Variants in LIAT1 observed in about 807,000 individuals in gnomAD.
LIAT1 encodes protein LIAT1.
the LIAT1 span, chr17:414,225 G>A: frequency 7.4e-7 from 1 of 1,358,762 alleles, no homozygotes; most frequent in Non-Finnish European, 1.0e-6. This position sits in a 1 kb window ranked among gnomAD's most constrained non-coding sequence, Gnocchi z 4.1. Flanking sequence ...GGAAACAGAT[G>A]TTCGGTACAC....
the LIAT1 span, chr17:410,385 C>T: frequency 3.0e-5 from 46 of 1,523,606 alleles, no homozygotes; most frequent in East Asian, 9.6e-4. Context: ...CGCTGAGAGT[C>T]GCCGATTAGT....
At chr17:410,896 C>T in the LIAT1 span, among the ~76,000 whole-genome samples, 1 of 152,108 alleles carries the variant, frequency 6.6e-6, no homozygotes, top group Non-Finnish European at 1.5e-5. Context: ...TTCCTAAGAG[C>T]CTTCCAGCCC....
the LIAT1 span, among the ~76,000 whole-genome samples, chr17:412,408 C>T: frequency 6.6e-6 from 1 of 152,064 alleles, no homozygotes; most frequent in Non-Finnish European, 1.5e-5. Flanking sequence ...GTGCCTCATA[C>T]CATCAGCAGG....
chr17:414,395 T>G, the LIAT1 span: 8 of 408,518 alleles, frequency 2.0e-5, 1 homozygote, highest in South Asian at 2.4e-4. This position sits in a 1 kb window ranked among gnomAD's most constrained non-coding sequence, Gnocchi z 4.1. Flanking sequence ...CAGCTAGATG[T>G]CTATAATCTG....
chr17:410,590 G>A, the LIAT1 span: 2 of 1,546,010 alleles, frequency 1.3e-6, no homozygotes, highest in Non-Finnish European at 8.7e-7. Context: ...CTGGCCAAAC[G>A]GAAGGTGAAG....
the LIAT1 span, chr17:410,343 A>T: frequency 1.4e-6 from 2 of 1,472,882 alleles, no homozygotes; most frequent in South Asian, 1.4e-5. Context: ...GGTGGTCGCC[A>T]TGGAGACGCG....
the LIAT1 span, chr17:413,644 C>T: frequency 2.1e-4 from 322 of 1,548,912 alleles, 41 homozygotes; most frequent in Admixed American, 5.9e-4. Context: ...GCTTCCACCC[C>T]GACCCTGAGG....
the LIAT1 span, chr17:413,813 GGC>G: frequency 6.5e-7 from 1 of 1,539,350 alleles, no homozygotes; most frequent in South Asian, 1.2e-5. Flanking sequence ...GGCCCTCAAG[GGC>G]TTCCACCCCG....
chr17:410,472 G>A, the LIAT1 span: 3 of 1,542,516 alleles, frequency 1.9e-6, no homozygotes, highest in Non-Finnish European at 2.6e-6. Flanking sequence ...CGGTGGGGCG[G>A]GGACAATGGG....
At chr17:413,573 G>A in the LIAT1 span, 2 of 1,521,394 alleles carry the variant, frequency 1.3e-6, no homozygotes, top group South Asian at 2.3e-5. Context: ...GGCCCTCAAG[G>A]GCATCCACCC....
chr17:412,435 C>A, the LIAT1 span, among the ~76,000 whole-genome samples: 159 of 152,224 alleles, frequency 1.0e-3, no homozygotes, highest in African/African-American at 3.7e-3. Context: ...CAGATAGTTT[C>A]CAGGGCGTAG....
At chr17:411,008 C>T in the LIAT1 span, among the ~76,000 whole-genome samples, 2 of 152,210 alleles carry the variant, frequency 1.3e-5, no homozygotes, top group Admixed American at 1.3e-4. Flanking sequence ...AGACACTTTC[C>T]CCACCCCAAA....
chr17:410,536 C>T, the LIAT1 span: 6 of 1,546,044 alleles, frequency 3.9e-6, no homozygotes, highest in Admixed American at 2.0e-5. Context: ...GCCGCGGGCC[C>T]GCGGGGGTCT....
the LIAT1 span, among the ~76,000 whole-genome samples, chr17:410,869 C>T: frequency 6.6e-6 from 1 of 152,138 alleles, no homozygotes; most frequent in Non-Finnish European, 1.5e-5. Flanking sequence ...CACAGAGACC[C>T]CTACAGATAT....
chr17:414,183 C>T, the LIAT1 span: 1 of 1,530,422 alleles, frequency 6.5e-7, no homozygotes, highest in East Asian at 2.3e-5. This position sits in a 1 kb window ranked among gnomAD's most constrained non-coding sequence, Gnocchi z 4.1. Context: ...TAAAAACCAT[C>T]ATCATAAAAG....
At chr17:412,468 A>G in the LIAT1 span, among the ~76,000 whole-genome samples, 1 of 152,154 alleles carries the variant, frequency 6.6e-6, no homozygotes. Flanking sequence ...ATGTCAAAAG[A>G]TGATTTCTTT....
chr17:413,315 G>A, the LIAT1 span: 67 of 1,614,242 alleles, frequency 4.2e-5, no homozygotes, highest in Middle Eastern at 8.2e-4. Flanking sequence ...CGACTTTGCC[G>A]AAATAGAGAA....
At chr17:412,648 T>G in the LIAT1 span, among the ~76,000 whole-genome samples, 2 of 152,196 alleles carry the variant, frequency 1.3e-5, no homozygotes, top group African/African-American at 2.4e-5. Flanking sequence ...CAGTCAAATT[T>G]AGGAAGCTTT....
At chr17:414,470 C>T in the LIAT1 span, 1,074 of 222,156 alleles carry the variant, frequency 4.8e-3, 10 homozygotes, top group Non-Finnish European at 7.2e-3. This position sits in a 1 kb window ranked among gnomAD's most constrained non-coding sequence, Gnocchi z 4.1. Flanking sequence ...TGGTGAAACT[C>T]CTCACACGGT....
Sources: allele counts gnomAD v4.1 joint callset (sites outside exome capture counted in the v4.1 genomes callset), GRCh38; gene constraint gnomAD v4.1.1; non-coding constraint Gnocchi (gnomAD v3.1); transcripts MANE v1.5; gene names NCBI Gene and HGNC (gene_info 2026-07-23, HGNC 2026-07-21).